The following PDE8B variants were observed in gnomAD, a reference collection of about 807,000 sequenced individuals.
The protein encoded by PDE8B is phosphodiesterase 8B.
Under a neutral mutation model 101.3 loss-of-function variants are expected in PDE8B, and 26 were observed. That is an observed-to-expected ratio of 0.26 (90% CI 0.19 to 0.36). The LOEUF is 0.36. PDE8B is among the 10% of genes least tolerant of loss of function. The pLI, the probability that PDE8B is intolerant of heterozygous loss-of-function variation, is 1.00. For missense variants in PDE8B, 810 were observed against 1,163.1 expected (o/e 0.70, Z 4.42); for synonymous variants, 424 against 429.3 (o/e 0.99, Z 0.15).
chr5:77,127,244 T>C, the PDE8B span, among the ~76,000 whole-genome samples: 1 of 152,108 alleles, frequency 6.6e-6, no homozygotes, highest in Non-Finnish European at 1.5e-5. Flanking sequence ...GTAATCCCCA[T>C]GTGTTGAGGG....
At chr5:77,424,208 C>T (rs545849286) in intron 20 of PDE8B, among the ~76,000 whole-genome samples, 1 of 152,176 alleles carries the variant, frequency 6.6e-6, no homozygotes, top group African/African-American at 2.4e-5. Flanking sequence ...CATCAATGGG[C>T]TTCCCCGGAC....
At chr5:77,364,750 A>G (rs1783806291) in intron 10 of PDE8B, among the ~76,000 whole-genome samples, 1 of 152,122 alleles carries the variant, frequency 6.6e-6, no homozygotes, top group Non-Finnish European at 1.5e-5. Flanking sequence ...CTGGGGAGGA[A>G]GAAAAGGGCC....
chr5:77,286,533 C>T lies in PDE8B; in HGVS notation c.340-25461C>T, dbSNP rs1766050824. Among the ~76,000 whole-genome samples, 2 of 152,174 alleles carry T rather than the reference C, an allele frequency of 1.3e-5. 1 individual carries two copies. The highest frequency in any genetic ancestry group is 4.1e-4 in the South Asian group (2 of 4,828). ...TGCTAGATTCCTTCTCCAGATCTTT[C>T]TCCAAATCTGCCTGCTTTTGTTCAC... On this transcript the variant is annotated intron_variant, in intron 1 of 21. Transcript: ENST00000264917.
chr5:77,209,591 A>C (rs1272949805), upstream of PDE8B, among the ~76,000 whole-genome samples: 1 of 152,164 alleles, frequency 6.6e-6, no homozygotes, highest in Non-Finnish European at 1.5e-5. Flanking sequence ...AGAGTTTACA[A>C]GGGAAGGATG....
rs958831224 is a variant in PDE8B at position 77,400,432 on chromosome 5, T to C, written c.1210+142T>C. ...AAATCCACGTGCTCATATCACAAGG[T>C]TGGCAAGCCAGAAGAAAAGCAGAAA... On this transcript the variant is annotated intron_variant, in intron 11 of 21. Coordinates refer to ENST00000264917, the MANE Select transcript of PDE8B (RefSeq NM_003719.5). The C allele has an allele frequency of 5.7e-6, 4 of 697,946 alleles. No homozygotes were observed. The African/African-American group carries it at 7.1e-5, about 12-fold the overall frequency. The allele number at this position is 697,946 out of a possible 1,614,324, so 43.2% of individuals were successfully genotyped here. A position where few individuals can be genotyped will look rare whatever the true frequency, so the allele number is the denominator to read the frequency against.
intron 1 of PDE8B, among the ~76,000 whole-genome samples, chr5:77,244,689 C>G (rs1756503914): frequency 1.3e-5 from 2 of 152,178 alleles, no homozygotes; most frequent in East Asian, 1.9e-4. Context: ...CACTGCAACC[C>G]CACAGGATAG....
chr5:77,306,348 A>G (rs536802082), intron 1 of PDE8B, among the ~76,000 whole-genome samples: 5 of 152,328 alleles, frequency 3.3e-5, no homozygotes, highest in African/African-American at 1.2e-4. Context: ...TTTACTGAGC[A>G]TCTTGTAGAT....
At chr5:77,411,143 T>G (rs892578403) in intron 14 of PDE8B, 1 of 157,604 alleles carries the variant, frequency 6.3e-6, no homozygotes, top group Non-Finnish European at 1.4e-5. Flanking sequence ...GCAGCAATGC[T>G]CATGTTTCAA....
At chr5:77,401,141 G>A (rs1163682698) in intron 11 of PDE8B, among the ~76,000 whole-genome samples, 2 of 152,188 alleles carry the variant, frequency 1.3e-5, no homozygotes, top group Non-Finnish European at 1.5e-5. Context: ...AGAAGGAAAT[G>A]TATAATGCTT....
chr5:77,319,306 T>G (rs1355415565), intron 2 of PDE8B, among the ~76,000 whole-genome samples: 1 of 152,268 alleles, frequency 6.6e-6, no homozygotes, highest in Non-Finnish European at 1.5e-5. Context: ...ATGTGCAGCA[T>G]CATCAGTAAC....
intron 1 of PDE8B, among the ~76,000 whole-genome samples, chr5:77,310,465 A>C (rs541122289): frequency 6.6e-6 from 1 of 152,360 alleles, no homozygotes; most frequent in East Asian, 1.9e-4. Flanking sequence ...CTTGCAGGAT[A>C]CTGACTTACT....
the PDE8B span, among the ~76,000 whole-genome samples, chr5:77,194,350 T>A: frequency 6.6e-6 from 1 of 152,242 alleles, no homozygotes; most frequent in Admixed American, 6.5e-5. Context: ...TCAAAAGATT[T>A]TATTACACCT....
chr5:77,380,261 ATGTG>A (rs1216774558), intron 10 of PDE8B, among the ~76,000 whole-genome samples: 1 of 152,220 alleles, frequency 6.6e-6, no homozygotes, highest in African/African-American at 2.4e-5. Flanking sequence ...TTCATTGCAA[ATGTG>A]TGTAAGAATA....
intron 1 of PDE8B, among the ~76,000 whole-genome samples, chr5:77,298,331 A>G (rs1402532283): frequency 3.9e-5 from 6 of 152,094 alleles, no homozygotes; most frequent in African/African-American, 1.4e-4. Flanking sequence ...TCAGCCACAG[A>G]ACATCATGGC....
intron 1 of PDE8B, among the ~76,000 whole-genome samples, chr5:77,223,577 A>T (rs1286887862): frequency 6.6e-6 from 1 of 151,958 alleles, no homozygotes; most frequent in African/African-American, 2.4e-5. Flanking sequence ...AGCATTTACA[A>T]TTTGACATTG....
intron 10 of PDE8B, among the ~76,000 whole-genome samples, chr5:77,378,009 TACACACAC>T (rs3031820): frequency 0.013 from 1,683 of 134,480 alleles, 29 homozygotes; most frequent in African/African-American, 0.036. Context: ...CCTCTCTCTC[TACACACAC>T]ACACACACAC....
the PDE8B span, chr5:77,104,449 T>C: frequency 6.6e-6 from 1 of 152,128 alleles, no homozygotes; most frequent in Non-Finnish European, 1.5e-5. Context: ...TCCTCGTGAA[T>C]GGGATTAAGG....
the PDE8B span, among the ~76,000 whole-genome samples, chr5:77,205,086 G>A: frequency 0.027 from 4,104 of 152,146 alleles, 202 homozygotes; most frequent in African/African-American, 0.092. Flanking sequence ...CTCCCTGTGG[G>A]GTGCTTGTTA....
chr5:77,116,787 G>A, the PDE8B span, among the ~76,000 whole-genome samples: 2 of 152,068 alleles, frequency 1.3e-5, no homozygotes, highest in African/African-American at 4.8e-5. Context: ...CATAAACAAG[G>A]TCACATGCAA....
Sources: gnomAD v4.1 joint callset for allele counts (sites outside exome capture counted in the v4.1 genomes callset) on GRCh38, gnomAD v4.1.1 for gene constraint, MANE v1.5 for transcripts, NCBI Gene and HGNC (gene_info 2026-07-23, HGNC 2026-07-21) for gene names.